Variants in NLGN1 observed in about 807,000 individuals in gnomAD.
NLGN1 encodes neuroligin-1.
NLGN1 carries 12 observed loss-of-function variants against 65.5 expected under a neutral mutation model. That is an observed-to-expected ratio of 0.18 (90% CI 0.12 to 0.30). NLGN1 has a LOEUF of 0.30. Ranked by LOEUF, NLGN1 falls within the 10% of genes least tolerant of loss-of-function variation. The pLI is 1.00. For synonymous variants in NLGN1, 350 were observed against 359.5 expected (o/e 0.97, Z 0.30); for missense variants, 750 against 1,007.1 (o/e 0.74, Z 3.46).
At chr3:173,549,405 A>G in intron 2 of NLGN1, among the ~76,000 whole-genome samples, 1 of 152,048 alleles carries the variant, frequency 6.6e-6, no homozygotes, top group Non-Finnish European at 1.5e-5. Context: ...GTATATATGT[A>G]TGGGGTACAT....
chr3:174,105,797 G>T (rs1713643351), intron 4 of NLGN1, among the ~76,000 whole-genome samples: 1 of 149,372 alleles, frequency 6.7e-6, no homozygotes, highest in Non-Finnish European at 1.5e-5. Context: ...GAAAATAATA[G>T]TGCACAAGAC....
At position 174,076,710 on chromosome 3, in the gene NLGN1, AGAGAGAGAGAGAGAGT is replaced by A. The variant is rs1209624356; in HGVS notation, c.647-198603_647-198588del. On this transcript the variant is annotated intron_variant, in intron 4 of 6. Coordinates refer to ENST00000457714, the Ensembl canonical transcript of NLGN1. ...GAGAGAGAGAGAGAGAGAGAGAGAG[AGAGAGAGAGAGAGAGT>A]GTGTGTGTGTGTGTGTGTGTGTGTG... Among the ~76,000 whole-genome samples the A allele has an allele frequency of 3.0e-3, 421 of 138,964 alleles. 1 individual carries two copies. Among genetic ancestry groups the A allele is most frequent in the Non-Finnish European group, 3.7e-3 (233 of 63,160 alleles). The allele number at this position is 138,964 out of a possible 152,430, so 91.2% of individuals were successfully genotyped here. A position where few individuals can be genotyped will look rare whatever the true frequency, so the allele number is the denominator to read the frequency against.
intron 4 of NLGN1, among the ~76,000 whole-genome samples, chr3:174,221,588 A>T (rs971729787): frequency 7.0e-6 from 1 of 143,612 alleles, no homozygotes; most frequent in African/African-American, 2.5e-5. Flanking sequence ...GTTATACTTA[A>T]ATAAACATAC....
chr3:173,824,218 T>C (rs540364122), intron 4 of NLGN1, among the ~76,000 whole-genome samples: 1 of 152,162 alleles, frequency 6.6e-6, no homozygotes, highest in Non-Finnish European at 1.5e-5. Flanking sequence ...TTGTCATGGT[T>C]TCTACCTTGT....
At chr3:173,822,890 C>CT (rs932081824) in intron 4 of NLGN1, among the ~76,000 whole-genome samples, 9 of 151,418 alleles carry the variant, frequency 5.9e-5, no homozygotes, top group Non-Finnish European at 1.2e-4. Flanking sequence ...CCCTTTTTTT[C>CT]TTTTTTTGTA....
intron 2 of NLGN1, among the ~76,000 whole-genome samples, chr3:173,590,471 CTAG>C (rs1748286647): frequency 6.6e-6 from 1 of 152,122 alleles, no homozygotes; most frequent in South Asian, 2.1e-4. Context: ...GAATACTGTA[CTAG>C]TAGTCTGTAT....
chr3:174,089,677 A>G (rs898102093), intron 4 of NLGN1, among the ~76,000 whole-genome samples: 1 of 152,142 alleles, frequency 6.6e-6, no homozygotes, highest in Non-Finnish European at 1.5e-5. Context: ...CTTCAGCAAG[A>G]CTTCTATTCT....
chr3:174,145,819 A>T (rs1015904725), intron 4 of NLGN1, among the ~76,000 whole-genome samples: 1 of 152,218 alleles, frequency 6.6e-6, no homozygotes, highest in Non-Finnish European at 1.5e-5. Flanking sequence ...TTAAATCTAA[A>T]CTTCACTTTT....
At chr3:173,951,067 A>G (rs1219189901) in intron 4 of NLGN1, among the ~76,000 whole-genome samples, 3 of 151,964 alleles carry the variant, frequency 2.0e-5, no homozygotes, top group Non-Finnish European at 4.4e-5. Context: ...GGGTTTCACC[A>G]TGTTGGCCAG....
In NLGN1 at chr3:173,459,167, GT is replaced by G. The variant is rs960267093; in HGVS notation, c.-321+24093del. ...TTACATGATCTTACAGCAGTAATCT[GT>G]TTTGTTGTTCATCATTTTCTTCTTA... is the stretch of plus-strand genomic sequence containing the variant. On this transcript the variant is annotated intron_variant, in intron 2 of 6. Transcript: ENST00000457714. 5.1e-4 allele frequency among the ~76,000 whole-genome samples: 77 copies of G among 152,140 alleles called. 1 individual carries two copies. The highest frequency in any genetic ancestry group is 1.8e-3 in the African/African-American group (73 of 41,520).
chr3:173,594,155 A>T (rs755826302), intron 2 of NLGN1, among the ~76,000 whole-genome samples: 3 of 152,194 alleles, frequency 2.0e-5, no homozygotes, highest in Non-Finnish European at 2.9e-5. Flanking sequence ...GTCTTAACTC[A>T]TTCCATAATT....
intron 3 of NLGN1, among the ~76,000 whole-genome samples, chr3:173,686,290 A>G (rs973977487): frequency 1.3e-5 from 2 of 152,016 alleles, no homozygotes; most frequent in Non-Finnish European, 2.9e-5. Flanking sequence ...AAAAATCAAA[A>G]CAGAAACAAA....
At chr3:173,402,173 G>C (rs1221122175) in intron 1 of NLGN1, among the ~76,000 whole-genome samples, 1 of 152,058 alleles carries the variant, frequency 6.6e-6, no homozygotes, top group African/African-American at 2.4e-5. Flanking sequence ...ATGGATTCTG[G>C]TACAGATGTG....
At chr3:174,149,786 A>G (rs1282205412) in intron 4 of NLGN1, among the ~76,000 whole-genome samples, 1 of 152,158 alleles carries the variant, frequency 6.6e-6, no homozygotes, top group Non-Finnish European at 1.5e-5. Context: ...TGAGTAGCAT[A>G]GAAAACCTGG....
Position 174,151,162 on chromosome 3 carries a change from CAA to C in NLGN1, c.647-124144_647-124143del, listed in dbSNP as rs11363124. Among the ~76,000 whole-genome samples the C allele has an allele frequency of 1.3e-4, 20 of 148,314 alleles. 1 individual carries two copies. Among genetic ancestry groups the C allele is most frequent in the African/African-American group, 4.4e-4 (18 of 40,934 alleles). On this transcript the variant is annotated intron_variant, in intron 4 of 6. Transcript: ENST00000457714. ...GTGGTGTCTTTTACACATAGAAAGCCAAAAAAAAAATACTCCTTCACTTTGAA... is the reference window on the plus strand; with the variant it reads ...GTGGTGTCTTTTACACATAGAAAGCCAAAAAAAATACTCCTTCACTTTGAA...
intron 2 of NLGN1, among the ~76,000 whole-genome samples, chr3:173,575,254 A>G (rs1745326412): frequency 1.3e-5 from 2 of 152,234 alleles, no homozygotes; most frequent in Admixed American, 6.5e-5. Context: ...TAGCAAACAC[A>G]TATGAGCATC....
intron 4 of NLGN1, among the ~76,000 whole-genome samples, chr3:174,265,141 G>A (rs554062737): frequency 6.6e-5 from 10 of 151,758 alleles, no homozygotes; most frequent in African/African-American, 2.2e-4. Context: ...TTGTTTGTCT[G>A]TGCCCTGCCC....
At chr3:173,785,399 C>T (rs1781793759) in intron 3 of NLGN1, among the ~76,000 whole-genome samples, 1 of 152,056 alleles carries the variant, frequency 6.6e-6, no homozygotes. Context: ...TGTTATAAAT[C>T]ACTGCAGGTT....
At chr3:174,066,059 G>A (rs1463633336) in intron 4 of NLGN1, among the ~76,000 whole-genome samples, 1 of 152,138 alleles carries the variant, frequency 6.6e-6, no homozygotes, top group Non-Finnish European at 1.5e-5. Context: ...ACTTGGATTT[G>A]TAAGACTGCT....
Sources: allele counts gnomAD v4.1 joint callset (sites outside exome capture counted in the v4.1 genomes callset), GRCh38; gene constraint gnomAD v4.1.1; transcripts MANE v1.5; gene names NCBI Gene and HGNC (gene_info 2026-07-23, HGNC 2026-07-21).